Variants in ADGRL3 observed in about 807,000 individuals in gnomAD.
ADGRL3 encodes adhesion G protein-coupled receptor L3.
In ADGRL3, 62 loss-of-function variants were observed where a neutral mutation model predicts 153.5. The observed-to-expected ratio is 0.40, with a 90% CI of 0.33 to 0.50. The LOEUF is 0.50. Ranked by LOEUF, ADGRL3 falls within the 20% of genes least tolerant of loss-of-function variation. The pLI is 0.47. For missense variants in ADGRL3, 1,641 were observed against 1,859.4 expected (o/e 0.88, Z 2.16); for synonymous variants, 710 against 672.5 (o/e 1.06, Z -0.86).
Position 62,031,461 on chromosome 4 carries a change from A to G in ADGRL3, c.3442A>G (p.Ile1148Val). 1 of 1,609,934 alleles carries G rather than the reference A, an allele frequency of 6.2e-7. No homozygotes were observed. ...PFIKSWVIGA[I>V]ALLCLLGLTW... is the part of the protein sequence containing the mutation. ...CTACAGGTCATGGGTTATAGGTGCA[A>G]TAGCTCTTCTCTGCCTATTAGGATT... is the stretch of plus-strand genomic sequence containing the variant. Residue 1148 changes from isoleucine (I) to valine (V), a missense_variant, in exon 23 of 27, where the codon ATA (isoleucine) becomes GTA (valine). Coordinates refer to ENST00000683033, the MANE Select transcript of ADGRL3 (RefSeq NM_001387552.1).
At chr4:61,781,063 A>T (rs1368584370) in intron 8 of ADGRL3, among the ~76,000 whole-genome samples, 1 of 152,226 alleles carries the variant, frequency 6.6e-6, no homozygotes, top group East Asian at 1.9e-4. Flanking sequence ...ATGGTGGCTC[A>T]CGCCTGTAAT....
rs529906393 is a variant in ADGRL3, at chr4:61,744,675, T to G, written c.1399+11121T>G. Among the ~76,000 whole-genome samples, 6 of 152,184 alleles carry G rather than the reference T, an allele frequency of 3.9e-5. No homozygotes were observed. The South Asian group carries it at 1.2e-3, about 32-fold the overall frequency. On this transcript the variant is annotated intron_variant, in intron 8 of 26. Transcript: ENST00000683033. Reference sequence around the variant, plus strand: ...GGGTCCTATCTGTTAGAAGGAAAACTAACAAACAGAAAGGACATCCACACC... The same window carrying G: ...GGGTCCTATCTGTTAGAAGGAAAACGAACAAACAGAAAGGACATCCACACC...
chr4:61,287,793 T>A (rs1447082900), intron 1 of ADGRL3, among the ~76,000 whole-genome samples: 3 of 151,920 alleles, frequency 2.0e-5, no homozygotes, highest in Non-Finnish European at 4.4e-5. Flanking sequence ...TCAAGGCTTA[T>A]CCCTGGATGG....
In ADGRL3 at chr4:61,858,906, A is replaced by G. The variant is rs115926104; in HGVS notation, c.1481-33750A>G. Among the ~76,000 whole-genome samples, 756 of 152,246 alleles carry G rather than the reference A, an allele frequency of 5.0e-3. 5 individuals are homozygous for G. The highest frequency in any genetic ancestry group is 0.017 in the African/African-American group (720 of 41,546). On this transcript the variant is annotated intron_variant, in intron 9 of 26. Transcript: ENST00000683033. The stretch of plus-strand genomic sequence containing the variant: ...GTCTAAAGCTGTGGCTGTGAATGCA[A>G]TCACCTCTTTGGATTGATGGGGATA...
chr4:61,297,910 C>T (rs1454816492), intron 1 of ADGRL3, among the ~76,000 whole-genome samples: 2 of 152,032 alleles, frequency 1.3e-5, no homozygotes, highest in Non-Finnish European at 2.9e-5. Context: ...TGCGAGACTT[C>T]CTGCTGTGTG....
chr4:61,236,248 G>A (rs1442030864), intron 1 of ADGRL3, among the ~76,000 whole-genome samples: 2 of 151,982 alleles, frequency 1.3e-5, no homozygotes, highest in Non-Finnish European at 2.9e-5. Flanking sequence ...GACCTCAGGT[G>A]ATCTGCCCAC....
At chr4:61,714,405 A>G (rs1312627076) in intron 6 of ADGRL3, among the ~76,000 whole-genome samples, 1 of 152,152 alleles carries the variant, frequency 6.6e-6, no homozygotes, top group South Asian at 2.1e-4. Flanking sequence ...TATTTAGCAG[A>G]TGCCTCTGCA....
intron 8 of ADGRL3, among the ~76,000 whole-genome samples, chr4:61,762,915 C>A (rs767504278): frequency 1.3e-4 from 20 of 152,178 alleles, no homozygotes; most frequent in Non-Finnish European, 2.1e-4. Context: ...ACATAAAATT[C>A]TTTTCCTACA....
intron 9 of ADGRL3, among the ~76,000 whole-genome samples, chr4:61,867,815 A>G (rs569126743): frequency 6.6e-6 from 1 of 151,964 alleles, no homozygotes; most frequent in African/African-American, 2.4e-5. Context: ...CATATTTATA[A>G]TCCTTTCATC....
chr4:61,432,648 TTCTTTC>T (rs1560623735), intron 2 of ADGRL3, among the ~76,000 whole-genome samples: 29 of 41,558 alleles, frequency 7.0e-4, no homozygotes, highest in Admixed American at 1.7e-3. Flanking sequence ...CTTTCTTTCT[TTCTTTC>T]TTTTTTTTTT....
intron 4 of ADGRL3, among the ~76,000 whole-genome samples, chr4:61,531,768 T>TTTTTTTTTTTTTTTTTTTTTTTGAGACGG (rs2098617759): frequency 6.6e-6 from 1 of 152,146 alleles, no homozygotes; most frequent in African/African-American, 2.4e-5. Context: ...TCTAAATTTC[T>TTTTTTTTTTTTTTTTTTTTTTTGAGACGG]AATAGTACAC....
chr4:61,495,803 T>C (rs1222644099), intron 2 of ADGRL3, among the ~76,000 whole-genome samples: 4 of 152,194 alleles, frequency 2.6e-5, no homozygotes, highest in Non-Finnish European at 5.9e-5. Flanking sequence ...ATAGGTTGCA[T>C]GTTTTCTTCA....
intron 5 of ADGRL3, among the ~76,000 whole-genome samples, chr4:61,675,504 G>C (rs963177937): frequency 1.3e-5 from 2 of 151,562 alleles, no homozygotes; most frequent in African/African-American, 4.8e-5. Context: ...GTGAGTATGG[G>C]TATCTTTTTC....
chr4:62,012,544 C>T (rs1434108917), intron 21 of ADGRL3, among the ~76,000 whole-genome samples: 1 of 152,152 alleles, frequency 6.6e-6, no homozygotes, highest in Non-Finnish European at 1.5e-5. Context: ...GATAGTCTGG[C>T]TTCACTGTCC....
At chr4:62,041,759 T>A (rs1335813455) in intron 24 of ADGRL3, among the ~76,000 whole-genome samples, 1 of 152,146 alleles carries the variant, frequency 6.6e-6, no homozygotes. Flanking sequence ...TCCCATATTC[T>A]AAAACCCTTC....
Position 61,851,108 on chromosome 4 carries a change from A to G in ADGRL3, c.1480+37219A>G, listed in dbSNP as rs149309807. On this transcript the variant is annotated intron_variant, in intron 9 of 26. Transcript: ENST00000683033. ...AACGTGTAATTTTATTTTTCTATCT[A>G]CTGTTTTTAATTACATACTTAATAT... 4.5e-3 allele frequency among the ~76,000 whole-genome samples: 679 copies of G among 152,230 alleles called. 4 individuals carry two copies. The highest frequency in any genetic ancestry group is 0.016 in the African/African-American group (650 of 41,556).
chr4:61,991,034 T>C (rs867168452), intron 19 of ADGRL3, among the ~76,000 whole-genome samples: 20 of 151,756 alleles, frequency 1.3e-4, no homozygotes, highest in African/African-American at 4.4e-4. Context: ...AACGTGTATG[T>C]ATGTATGTAA....
At chr4:61,214,194 C>A (rs1360758787) in intron 1 of ADGRL3, among the ~76,000 whole-genome samples, 1 of 152,236 alleles carries the variant, frequency 6.6e-6, no homozygotes, top group Non-Finnish European at 1.5e-5. Flanking sequence ...TGCAAATTTA[C>A]TGGTTATTAA....
intron 2 of ADGRL3, among the ~76,000 whole-genome samples, chr4:61,399,542 A>T (rs1439390111): frequency 6.6e-6 from 1 of 151,650 alleles, no homozygotes. Context: ...CAAGGTAATT[A>T]GGTTTGTAAA....
Sources: allele counts gnomAD v4.1 joint callset (sites outside exome capture counted in the v4.1 genomes callset), GRCh38; gene constraint gnomAD v4.1.1; transcripts MANE v1.5; gene names NCBI Gene and HGNC (gene_info 2026-07-23, HGNC 2026-07-21).